Variants in KIAA1549L observed in about 807,000 individuals in gnomAD.
The protein encoded by KIAA1549L is UPF0606 protein KIAA1549L.
In KIAA1549L, 88 loss-of-function variants were observed where a neutral mutation model predicts 160.7. That is an observed-to-expected ratio of 0.55 (90% confidence interval 0.46 to 0.65). The LOEUF is 0.65. KIAA1549L is among the 30% of genes least tolerant of loss of function. The pLI, the probability that KIAA1549L is intolerant of heterozygous loss-of-function variation, is 0.00. For synonymous variants in KIAA1549L, 950 were observed against 976.7 expected (o/e 0.97, Z 0.51); for missense variants, 2,258 against 2,437.5 (o/e 0.93, Z 1.55).
intron 1 of KIAA1549L, among the ~76,000 whole-genome samples, chr11:33,405,669 C>T (rs1009101064): frequency 4.6e-5 from 7 of 151,524 alleles, no homozygotes; most frequent in Non-Finnish European, 4.4e-5. Flanking sequence ...TGGTGAAACC[C>T]CGTCTCTACT....
intron 6 of KIAA1549L, among the ~76,000 whole-genome samples, chr11:33,555,097 C>T (rs979660531): frequency 1.5e-5 from 2 of 134,834 alleles, no homozygotes; most frequent in Non-Finnish European, 3.2e-5. Context: ...AGAATGACCT[C>T]ACTTTTCTTA....
intron 1 of KIAA1549L, among the ~76,000 whole-genome samples, chr11:33,456,534 C>A (rs911584): frequency 6.6e-6 from 1 of 151,776 alleles, no homozygotes. Context: ...CCTCAGCCTC[C>A]CTAGTAGCTG....
chr11:33,517,795 C>T (rs1425526810), intron 1 of KIAA1549L, among the ~76,000 whole-genome samples: 4 of 152,060 alleles, frequency 2.6e-5, no homozygotes, highest in East Asian at 3.9e-4. Flanking sequence ...GGCTCAGGCT[C>T]TTCTTCAGGA....
intron 1 of KIAA1549L, among the ~76,000 whole-genome samples, chr11:33,449,627 A>C (rs1292260981): frequency 6.6e-6 from 1 of 152,174 alleles, no homozygotes; most frequent in Non-Finnish European, 1.5e-5. Flanking sequence ...TGAGTCTGAC[A>C]ATGTGCCTTT....
intron 1 of KIAA1549L, among the ~76,000 whole-genome samples, chr11:33,484,626 C>T (rs933129194): frequency 6.6e-6 from 1 of 152,166 alleles, no homozygotes; most frequent in South Asian, 2.1e-4. Flanking sequence ...AAGGGCTTTG[C>T]ACCATGCTGG....
At chr11:33,573,171 A>G (rs980835564) in intron 9 of KIAA1549L, among the ~76,000 whole-genome samples, 1 of 152,240 alleles carries the variant, frequency 6.6e-6, no homozygotes, top group Non-Finnish European at 1.5e-5. Context: ...ACAAAACAGT[A>G]TAAGAAAGAT....
At chr11:33,545,581 G>A (rs1854224591) in intron 3 of KIAA1549L, among the ~76,000 whole-genome samples, 2 of 152,126 alleles carry the variant, frequency 1.3e-5, no homozygotes, top group African/African-American at 2.4e-5. Context: ...TAGAGACTGG[G>A]GATACTGCTC....
intron 1 of KIAA1549L, among the ~76,000 whole-genome samples, chr11:33,507,153 A>G (rs111847255): frequency 6.6e-6 from 1 of 152,150 alleles, no homozygotes; most frequent in Admixed American, 6.6e-5. Context: ...AATACCACCA[A>G]ATCCCTTGCT....
At chr11:33,579,409 T>C (rs1396935670) in intron 10 of KIAA1549L, among the ~76,000 whole-genome samples, 2 of 152,234 alleles carry the variant, frequency 1.3e-5, no homozygotes, top group East Asian at 1.9e-4. Flanking sequence ...CTTCTAACAA[T>C]GCCTCTCCTC....
intron 16 of KIAA1549L, among the ~76,000 whole-genome samples, chr11:33,639,079 A>G (rs1404669499): frequency 1.3e-5 from 2 of 152,208 alleles, no homozygotes; most frequent in African/African-American, 4.8e-5. Context: ...ATAAGATAGT[A>G]GTTTTAATTT....
chr11:33,477,507 G>GCGCACACACACACACACA (rs1554981523), intron 1 of KIAA1549L, among the ~76,000 whole-genome samples: 2 of 131,740 alleles, frequency 1.5e-5, no homozygotes, highest in African/African-American at 7.3e-5. Context: ...GCAGGTGCAC[G>GCGCACACACACACACACA]CACACACACA....
chr11:33,574,199 T>C (rs1200596112), intron 9 of KIAA1549L, among the ~76,000 whole-genome samples: 2 of 124,662 alleles, frequency 1.6e-5, no homozygotes, highest in Non-Finnish European at 3.3e-5. Context: ...TATGTATAAC[T>C]TTTAGGTAAA....
At chr11:33,421,434 A>G (rs983611164) in intron 1 of KIAA1549L, among the ~76,000 whole-genome samples, 4 of 152,220 alleles carry the variant, frequency 2.6e-5, no homozygotes, top group African/African-American at 7.2e-5. Flanking sequence ...GCCGCATAGC[A>G]TCACTACCTG....
In KIAA1549L at chr11:33,618,653, C is replaced by T. The variant is rs781536980; in HGVS notation, c.5400C>T (p.Ser1800=). The T allele has an allele frequency of 1.6e-5, 26 of 1,590,426 alleles. No homozygotes were observed. The Middle Eastern group carries it at 5.0e-4, about 30-fold the overall frequency. The part of the protein sequence containing the change: ...RERPRRGIRN[S]GYDTEPEIIE... ...GACCCCGGCGTGGAATCCGCAACAG[C>T]GGATACGATGTGAGTCTCTGGTGGG... Residue 1800 remains serine (S), a synonymous_variant, in exon 16 of 21, where the codon AGC becomes AGT. Transcript: ENST00000658780.
intron 9 of KIAA1549L, among the ~76,000 whole-genome samples, chr11:33,572,235 CTA>C (rs1855287578): frequency 6.6e-6 from 1 of 151,994 alleles, no homozygotes; most frequent in Non-Finnish European, 1.5e-5. Context: ...TGGGGTTTTG[CTA>C]TGTTAGTCAG....
rs1852567743 is a variant in KIAA1549L at position 33,668,635 on chromosome 11, A to G, written c.*481A>G. On this transcript the variant is annotated 3_prime_UTR_variant, in exon 21 of 21. Transcript: ENST00000658780. ...TTCAACCATGACCGTGCGCATTAAA[A>G]TCAGTTTGTAAGGGAGACACTGACT... 1 of 159,868 alleles carries G rather than the reference A, an allele frequency of 6.3e-6. No homozygotes were observed. Among genetic ancestry groups the G allele is most frequent in the South Asian group, 1.8e-4 (1 of 5,512 alleles). The allele number at this position is 159,868 out of a possible 1,614,324, so 9.9% of individuals were successfully genotyped here. A position where few individuals can be genotyped will look rare whatever the true frequency, so the allele number is the denominator to read the frequency against.
chr11:33,645,404 A>C (rs1851689066), intron 16 of KIAA1549L, among the ~76,000 whole-genome samples: 1 of 152,142 alleles, frequency 6.6e-6, no homozygotes, highest in South Asian at 2.1e-4. Flanking sequence ...TCATCGGTGA[A>C]AGCCATTTCT....
chr11:33,403,276 GAC>G (rs1590221281), intron 1 of KIAA1549L: 4 of 7,086 alleles, frequency 5.6e-4, no homozygotes, highest in Non-Finnish European at 8.9e-4. Flanking sequence ...GACACACACA[GAC>G]ACAGACACAC....
At chr11:33,589,652 A>G (rs919725504) in intron 11 of KIAA1549L, among the ~76,000 whole-genome samples, 6 of 152,108 alleles carry the variant, frequency 3.9e-5, no homozygotes, top group African/African-American at 1.4e-4. Context: ...TCAGCAAACT[A>G]TCGCAAGGAC....
Sources: allele counts gnomAD v4.1 joint callset (sites outside exome capture counted in the v4.1 genomes callset), GRCh38; gene constraint gnomAD v4.1.1; transcripts MANE v1.5; gene names NCBI Gene and HGNC (gene_info 2026-07-23, HGNC 2026-07-21).